TMEM132D: variants seen among roughly 807,000 people sequenced by gnomAD.
TMEM132D encodes the protein mature OL transmembrane protein.
In TMEM132D, 21 loss-of-function variants were observed where a neutral mutation model predicts 62.3. The ratio of observed to expected loss-of-function variants is 0.34; its 90% confidence interval spans 0.24 to 0.49. The LOEUF is 0.49. Among genes scored for constraint, TMEM132D ranks in the 20% least tolerant of loss-of-function variants. TMEM132D has a pLI of 0.99. For missense variants in TMEM132D, 1,346 were observed against 1,402.8 expected (o/e 0.96, Z 0.65); for synonymous variants, 621 against 575.6 (o/e 1.08, Z -1.13).
intron 3 of TMEM132D, among the ~76,000 whole-genome samples, chr12:129,399,005 T>A (rs932944879): frequency 1.1e-4 from 16 of 152,168 alleles, no homozygotes; most frequent in African/African-American, 3.9e-4. Flanking sequence ...AGGGGCCACA[T>A]TTGGCAGGGA....
At chr12:129,207,340 G>A (rs1403051086) in intron 5 of TMEM132D, among the ~76,000 whole-genome samples, 10 of 151,998 alleles carry the variant, frequency 6.6e-5, no homozygotes, top group South Asian at 2.1e-4. Context: ...AGGTTCCAAC[G>A]AGGACAGTCA....
intron 1 of TMEM132D, among the ~76,000 whole-genome samples, chr12:129,833,983 C>A (rs1872923894): frequency 6.6e-6 from 1 of 152,162 alleles, no homozygotes; most frequent in African/African-American, 2.4e-5. Context: ...GATTCTGACA[C>A]CCAGCCTGGT....
At chr12:129,546,276 C>T (rs1876734126) in intron 2 of TMEM132D, among the ~76,000 whole-genome samples, 1 of 152,166 alleles carries the variant, frequency 6.6e-6, no homozygotes, top group African/African-American at 2.4e-5. Flanking sequence ...CAAACATCCA[C>T]TTGTTTTTTC....
At chr12:129,353,405 G>T (rs557658141) in intron 3 of TMEM132D, among the ~76,000 whole-genome samples, 1 of 152,258 alleles carries the variant, frequency 6.6e-6, no homozygotes, top group African/African-American at 2.4e-5. Flanking sequence ...AGGGGACATA[G>T]GGTCTGAAGG....
intron 3 of TMEM132D, among the ~76,000 whole-genome samples, chr12:129,382,605 C>T (rs942929645): frequency 2.0e-5 from 3 of 152,256 alleles, no homozygotes; most frequent in Non-Finnish European, 2.9e-5. Flanking sequence ...TCAAGTGAAC[C>T]GGCCAAAGAG....
intron 5 of TMEM132D, among the ~76,000 whole-genome samples, chr12:129,201,293 G>A (rs953794386): frequency 2.0e-5 from 3 of 152,196 alleles, no homozygotes; most frequent in South Asian, 4.2e-4. Flanking sequence ...GTGCAGTGTG[G>A]CTGGCTTTAG....
At chr12:129,360,496 A>T (rs1870210363) in intron 3 of TMEM132D, among the ~76,000 whole-genome samples, 1 of 152,134 alleles carries the variant, frequency 6.6e-6, no homozygotes, top group African/African-American at 2.4e-5. Context: ...TGGGTTCTTA[A>T]AAGAGACGAG....
intron 4 of TMEM132D, among the ~76,000 whole-genome samples, chr12:129,267,607 C>T (rs1400876087): frequency 6.6e-6 from 1 of 152,102 alleles, no homozygotes; most frequent in African/African-American, 2.4e-5. Context: ...GTCATACTGC[C>T]CAAGGTCATT....
At chr12:129,420,306 GTTTTTTTTTTT>G (rs71082709) in intron 3 of TMEM132D, among the ~76,000 whole-genome samples, 33 of 112,296 alleles carry the variant, frequency 2.9e-4, no homozygotes, top group East Asian at 2.5e-3. Flanking sequence ...CACGTTCTCT[GTTTTTTTTTTT>G]TTTTTTTTTT....
At chr12:129,586,818 AAC>A (rs1317995598) in intron 2 of TMEM132D, among the ~76,000 whole-genome samples, 2 of 152,202 alleles carry the variant, frequency 1.3e-5, no homozygotes, top group Non-Finnish European at 2.9e-5. Context: ...GCAGGTACAT[AAC>A]ATGATGAAGG....
intron 2 of TMEM132D, among the ~76,000 whole-genome samples, chr12:129,536,505 C>T (rs573197625): frequency 9.9e-5 from 15 of 152,266 alleles, no homozygotes; most frequent in African/African-American, 2.6e-4. Context: ...TTTATGGAAA[C>T]GCTACTTTCC....
Position 129,543,125 on chromosome 12 carries a change from G to A in TMEM132D, c.969-11920C>T, listed in dbSNP as rs1466079063. Among the ~76,000 whole-genome samples, 3 of 146,726 alleles carry A rather than the reference G, an allele frequency of 2.0e-5. No homozygotes were observed. The East Asian group carries it at 6.1e-4, about 30-fold the overall frequency. Reference sequence around the variant, plus strand: ...AAGATGGATAGATGGATAGATGGATGGATGGATGGATGGACAGCTGGACAG... The same window carrying A: ...AAGATGGATAGATGGATAGATGGATAGATGGATGGATGGACAGCTGGACAG... On this transcript the variant is annotated intron_variant, in intron 2 of 8. Coordinates refer to ENST00000422113, the MANE Select transcript of TMEM132D (RefSeq NM_133448.3).
chr12:129,705,230 C>CA (rs72225099), intron 1 of TMEM132D, among the ~76,000 whole-genome samples: 5 of 151,692 alleles, frequency 3.3e-5, no homozygotes, highest in Non-Finnish European at 7.4e-5. Context: ...CATTAAAAGG[C>CA]AAAAAAAGAA....
intron 3 of TMEM132D, among the ~76,000 whole-genome samples, chr12:129,526,862 C>T (rs114142529): frequency 9.3e-4 from 142 of 152,330 alleles, no homozygotes; most frequent in African/African-American, 3.1e-3. Context: ...GATGTAAGCC[C>T]TCCATTCACA....
At chr12:129,242,513 T>A (rs1236500875) in intron 4 of TMEM132D, among the ~76,000 whole-genome samples, 1 of 152,190 alleles carries the variant, frequency 6.6e-6, no homozygotes, top group Non-Finnish European at 1.5e-5. Flanking sequence ...TATGTCCTTA[T>A]TTTTTAGTTT....
intron 2 of TMEM132D, among the ~76,000 whole-genome samples, chr12:129,685,087 T>C (rs1880874794): frequency 6.6e-6 from 1 of 152,198 alleles, no homozygotes; most frequent in South Asian, 2.1e-4. Context: ...AGAAAATCAA[T>C]GACCTGAAGA....
At chr12:129,201,456 C>T (rs1199382384) in intron 5 of TMEM132D, among the ~76,000 whole-genome samples, 2 of 152,122 alleles carry the variant, frequency 1.3e-5, no homozygotes, top group Admixed American at 6.5e-5. Flanking sequence ...CACAGGTTGG[C>T]CCTGGGGGAC....
At chr12:129,349,605 A>G (rs1869800570) in intron 3 of TMEM132D, among the ~76,000 whole-genome samples, 1 of 152,200 alleles carries the variant, frequency 6.6e-6, no homozygotes, top group Non-Finnish European at 1.5e-5. Flanking sequence ...GGAATAATCC[A>G]AATAACCAAC....
chr12:129,395,519 GT>G (rs1871397828), intron 3 of TMEM132D, among the ~76,000 whole-genome samples: 1 of 151,930 alleles, frequency 6.6e-6, no homozygotes, highest in African/African-American at 2.4e-5. Flanking sequence ...TCACTGCAAC[GT>G]TTTATCCTAG....
Sources: allele counts gnomAD v4.1 joint callset (sites outside exome capture counted in the v4.1 genomes callset), GRCh38; gene constraint gnomAD v4.1.1; transcripts MANE v1.5; gene names NCBI Gene and HGNC (gene_info 2026-07-23, HGNC 2026-07-21).